Variants in TP53BP2 observed in about 807,000 individuals in gnomAD.
TP53BP2 encodes apoptosis-stimulating of p53 protein 2.
A neutral mutation model predicts 126.2 loss-of-function variants in TP53BP2; 62 were observed. That is an observed-to-expected ratio of 0.49 (90% CI 0.40 to 0.61). The LOEUF (loss-of-function observed/expected upper bound fraction) is 0.61, where lower values mean the gene tolerates loss of function less well. Among genes scored for constraint, TP53BP2 ranks in the 20% least tolerant of loss-of-function variants. The pLI is 0.00. For synonymous variants in TP53BP2, 485 were observed against 502.9 expected (o/e 0.96, Z 0.48); for missense variants, 1,215 against 1,402.8 (o/e 0.87, Z 2.14).
chr1:223,805,314 A>G (rs1221909012), intron 5 of TP53BP2, among the ~76,000 whole-genome samples: 1 of 152,142 alleles, frequency 6.6e-6, no homozygotes, highest in Non-Finnish European at 1.5e-5. Context: ...AAAAGCTTAG[A>G]AATTTGTTCT....
intron 17 of TP53BP2, among the ~76,000 whole-genome samples, chr1:223,783,609 G>A (rs1336917458): frequency 6.6e-6 from 1 of 152,128 alleles, no homozygotes; most frequent in Non-Finnish European, 1.5e-5. Flanking sequence ...CCATACGCCA[G>A]CCTTCCCCTG....
At chr1:223,819,453 G>A (rs1298349138) in intron 2 of TP53BP2, among the ~76,000 whole-genome samples, 12 of 152,102 alleles carry the variant, frequency 7.9e-5, no homozygotes, top group African/African-American at 1.7e-4. Context: ...TTGGGAGGCC[G>A]AGACGGGTGG....
At chr1:223,799,462 T>A (rs1194561464) in intron 11 of TP53BP2, among the ~76,000 whole-genome samples, 4 of 152,336 alleles carry the variant, frequency 2.6e-5, no homozygotes, top group South Asian at 4.1e-4. Context: ...TGGGAAACCA[T>A]TCTTGTTCAC....
At chr1:223,816,743 T>C (rs1571862849) in intron 2 of TP53BP2, among the ~76,000 whole-genome samples, 1 of 152,154 alleles carries the variant, frequency 6.6e-6, no homozygotes, top group African/African-American at 2.4e-5. Context: ...CAATATATAT[T>C]ACATTTTCAA....
At chr1:223,821,117 T>C in intron 2 of TP53BP2, 103 bp downstream of exon 2, 1 of 1,458,864 alleles carries the variant, frequency 6.9e-7, no homozygotes, top group Admixed American at 1.9e-5. Context: ...TATTCTCCAG[T>C]TTCTCCCCGG....
At chr1:223,794,179 A>C (rs1377405466) in intron 13 of TP53BP2, among the ~76,000 whole-genome samples, 2 of 152,194 alleles carry the variant, frequency 1.3e-5, no homozygotes, top group Non-Finnish European at 2.9e-5. Context: ...GCAAAATTTT[A>C]AAGACTAGAT....
chr1:223,799,881 C>G lies in TP53BP2; in HGVS notation c.1485+18G>C, dbSNP rs533043340. 6.4e-7 allele frequency: 1 copy of G among 1,555,224 alleles called. No homozygotes were observed. Among genetic ancestry groups the G allele is most frequent in the South Asian group, 1.2e-5 (1 of 80,520 alleles). On this transcript the variant is annotated intron_variant, in intron 11 of 17. Transcript: ENST00000343537. ...AGAATTACTATTAAATTTTAAAAAC[C>G]AGGATATTTGTAGGTACCTGAGCAT...
At chr1:223,802,051 TAAACTCAA>T in intron 9 of TP53BP2, 57 bp downstream of exon 9, 1 of 1,472,122 alleles carries the variant, frequency 6.8e-7, no homozygotes, top group Middle Eastern at 1.8e-4. Context: ...AGATTTTTTT[TAAACTCAA>T]ACTTGGGAGA....
At chr1:223,814,139 TC>T in intron 3 of TP53BP2, 100 bp downstream of exon 3, 1 of 822,280 alleles carries the variant, frequency 1.2e-6, no homozygotes, top group South Asian at 1.6e-5. Flanking sequence ...AACCTCTCCT[TC>T]ACCTCTCAAA....
chr1:223,790,417 G>T (rs111685473), intron 15 of TP53BP2, among the ~76,000 whole-genome samples: 1 of 151,910 alleles, frequency 6.6e-6, no homozygotes, highest in African/African-American at 2.4e-5. Flanking sequence ...AAATAGCCAG[G>T]TGTGGTGGCA....
At chr1:223,799,362 T>C (rs1662452168) in intron 11 of TP53BP2, among the ~76,000 whole-genome samples, 1 of 152,212 alleles carries the variant, frequency 6.6e-6, no homozygotes, top group Non-Finnish European at 1.5e-5. Flanking sequence ...TCCTCCTTGT[T>C]TCCACTTCCT....
At chr1:223,786,842 G>A (rs1241915544) in intron 16 of TP53BP2, among the ~76,000 whole-genome samples, 4 of 151,966 alleles carry the variant, frequency 2.6e-5, no homozygotes, top group Non-Finnish European at 2.9e-5. Flanking sequence ...TCCTGACCTC[G>A]TGATCTGCCC....
chr1:223,834,750 G>T, intron 1 of TP53BP2: 2 of 882,126 alleles, frequency 2.3e-6, no homozygotes, highest in Non-Finnish European at 2.7e-6. Context: ...GTCCTGTAGT[G>T]TCAATTCATC....
At chr1:223,831,438 G>T (rs1464670760) in intron 1 of TP53BP2, among the ~76,000 whole-genome samples, 2 of 121,702 alleles carry the variant, frequency 1.6e-5, no homozygotes, top group African/African-American at 3.0e-5. Context: ...GTGTCTGTGT[G>T]TACACATGCA....
chr1:223,842,758 G>A (rs557736613), intron 1 of TP53BP2, among the ~76,000 whole-genome samples: 100 of 152,250 alleles, frequency 6.6e-4, no homozygotes, highest in African/African-American at 2.3e-3. Flanking sequence ...ATTTTCAAAC[G>A]ACTAAGAATT....
At chr1:223,821,054 C>A in intron 2 of TP53BP2, 166 bp downstream of exon 2, 2 of 806,438 alleles carry the variant, frequency 2.5e-6, no homozygotes, top group Non-Finnish European at 3.8e-6. Flanking sequence ...CCGAAAAAGA[C>A]TTCATGTATC....
chr1:223,810,310 TA>T, intron 4 of TP53BP2, 120 bp downstream of exon 4: 1 of 618,216 alleles, frequency 1.6e-6, no homozygotes, highest in Non-Finnish European at 2.6e-6. Context: ...AAATTTAAAA[TA>T]ACCTTTAAAA....
chr1:223,814,297 G>C lies in TP53BP2; in HGVS notation c.232C>G (p.Gln78Glu). ...MFDVLQRFGS[Q>E]RNEVRFFLRH... ...AGGAAGAAGCGAACTTCGTTCCTCT[G>C]ACTTCCAAATCGTTGAAGAACATCA... Residue 78 changes from glutamine to glutamate, a missense_variant, in exon 3 of 18, where the codon CAG (glutamine) becomes GAG (glutamate). This residue lies in a region of TP53BP2 where 814 missense variants were observed against 853.0 expected (regional missense o/e 0.95). Transcript: ENST00000343537. The C allele has an allele frequency of 6.2e-7, 1 of 1,613,936 alleles. No individual in the cohort carries two copies.
intron 17 of TP53BP2, among the ~76,000 whole-genome samples, chr1:223,781,974 A>G (rs1052511426): frequency 8.6e-5 from 13 of 151,648 alleles, no homozygotes; most frequent in Admixed American, 2.0e-4. Context: ...GAGAGAAAAC[A>G]CTCTCTGACC....
Sources: gnomAD v4.1 joint callset for allele counts (sites outside exome capture counted in the v4.1 genomes callset) on GRCh38, gnomAD v4.1.1 for gene constraint, gnomAD v4.1.1 regional missense constraint, MANE v1.5 for transcripts, NCBI Gene and HGNC (gene_info 2026-07-23, HGNC 2026-07-21) for gene names.